The following PRMT3 variants were observed in gnomAD, a reference collection of about 807,000 sequenced individuals.
PRMT3 encodes protein arginine N-methyltransferase 3.
PRMT3 carries 62 observed loss-of-function variants against 71.9 expected under a neutral mutation model. That is an observed-to-expected ratio of 0.86 (90% CI 0.70 to 1.07). PRMT3 has a LOEUF of 1.07. PRMT3 is among the 50% of genes least tolerant of loss of function. The probability of loss-of-function intolerance (pLI) is 0.00; values close to 1 mark genes in which losing one functional copy is unlikely to be tolerated. For missense variants in PRMT3, 663 were observed against 643.0 expected (o/e 1.03, Z -0.34); for synonymous variants, 213 against 220.4 (o/e 0.97, Z 0.30).
At chr11:20,425,939 A>T (rs1412027308) in intron 9 of PRMT3, among the ~76,000 whole-genome samples, 1 of 152,238 alleles carries the variant, frequency 6.6e-6, no homozygotes, top group Non-Finnish European at 1.5e-5. Flanking sequence ...GCAGGAAAAA[A>T]ATCCTCTATA....
At chr11:20,437,869 G>A (rs1043750862) in intron 10 of PRMT3, among the ~76,000 whole-genome samples, 17 of 151,964 alleles carry the variant, frequency 1.1e-4, no homozygotes, top group African/African-American at 4.1e-4. Flanking sequence ...GATTACAGGC[G>A]TGAGCCACTG....
In PRMT3 at chr11:20,497,880, A is replaced by G. The variant is rs958425366; in HGVS notation, c.1486+3626A>G. On this transcript the variant is annotated intron_variant, in intron 15 of 15. Coordinates refer to ENST00000331079, the MANE Select transcript of PRMT3 (RefSeq NM_005788.4). ...AGCTGCAAGTAACTTAGTAGCCACA[A>G]AGGAAAACAAAATGGATACATTCAA... Among the ~76,000 whole-genome samples the G allele has an allele frequency of 1.3e-5, 2 of 152,324 alleles. 1 individual carries two copies. Among genetic ancestry groups the G allele is most frequent in the South Asian group, 4.1e-4 (2 of 4,828 alleles).
At chr11:20,389,921 G>A in intron 3 of PRMT3, 95 bp downstream of exon 3, 8 of 900,890 alleles carry the variant, frequency 8.9e-6, no homozygotes, top group Non-Finnish European at 1.4e-5. Context: ...GGAGGCTGAG[G>A]TGGGTGGATC....
rs551932277 is a variant in PRMT3, at chr11:20,390,059, G to A, written c.247+233G>A. On this transcript the variant is annotated intron_variant, in intron 3 of 15. Transcript: ENST00000331079. ...GCAGCTGCTCAGAAGACTGAGGCAGGTGAATTGCTTAAACCTGGGAGGCAG... is the reference window on the plus strand; with the variant it reads ...GCAGCTGCTCAGAAGACTGAGGCAGATGAATTGCTTAAACCTGGGAGGCAG... Among the ~76,000 whole-genome samples, 9 of 151,910 alleles carry A rather than the reference G, an allele frequency of 5.9e-5. No homozygotes were observed. The East Asian group carries it at 1.4e-3, about 23-fold the overall frequency.
chr11:20,494,279 G>A lies in PRMT3; in HGVS notation c.1486+25G>A, dbSNP rs779836245. 12 of 1,486,304 alleles carry A rather than the reference G, an allele frequency of 8.1e-6. No individual in the cohort carries two copies. In the Admixed American group the frequency reaches 1.9e-4, roughly 24 times the overall value. 92.1% of individuals were successfully genotyped at this position (1,486,304 alleles called of 1,614,324 possible). On this transcript the variant is annotated intron_variant, in intron 15 of 15. Coordinates refer to ENST00000331079, the MANE Select transcript of PRMT3 (RefSeq NM_005788.4). The stretch of plus-strand genomic sequence containing the variant: ...GGTGAGAAAGAATAGTAGGGGGGAA[G>A]TATCTTATTCATTCTGAAGTAAATG...
intron 13 of PRMT3, among the ~76,000 whole-genome samples, chr11:20,464,806 C>T (rs534474183): frequency 2.0e-5 from 3 of 152,244 alleles, no homozygotes; most frequent in South Asian, 2.1e-4. Flanking sequence ...TTTCCTATCA[C>T]GTGGTTAGTC....
intron 10 of PRMT3, among the ~76,000 whole-genome samples, chr11:20,438,909 G>A (rs1278786641): frequency 6.6e-6 from 1 of 152,274 alleles, no homozygotes; most frequent in South Asian, 2.1e-4. Context: ...AGCTTGAGGG[G>A]GTGGGAGAGG....
At position 20,411,276 on chromosome 11, in the gene PRMT3, C is replaced by T. The variant is rs556376090; in HGVS notation, c.893+3244C>T. Among the ~76,000 whole-genome samples, 18 of 152,202 alleles carry T rather than the reference C, an allele frequency of 1.2e-4. No individual in the cohort carries two copies. The East Asian group carries it at 3.5e-3, about 29-fold the overall frequency. ...GTAATCATTGACTCAAAATACTTGTCTTCAGTCTTTTCTGTGTGTATTTTT... is the reference window on the plus strand; with the variant it reads ...GTAATCATTGACTCAAAATACTTGTTTTCAGTCTTTTCTGTGTGTATTTTT... On this transcript the variant is annotated intron_variant, in intron 9 of 15. Coordinates refer to ENST00000331079, the MANE Select transcript of PRMT3 (RefSeq NM_005788.4).
intron 13 of PRMT3, among the ~76,000 whole-genome samples, chr11:20,471,039 TTGTTCC>T (rs1163540049): frequency 6.6e-6 from 1 of 152,070 alleles, no homozygotes; most frequent in Non-Finnish European, 1.5e-5. Flanking sequence ...AAAGAAGTGT[TTGTTCC>T]TGTTGTTTGC....
intron 9 of PRMT3, among the ~76,000 whole-genome samples, chr11:20,426,037 G>A (rs1054844248): frequency 6.6e-6 from 1 of 152,180 alleles, no homozygotes; most frequent in Non-Finnish European, 1.5e-5. Flanking sequence ...GAAAATAACT[G>A]TTGTTTCATA....
At chr11:20,504,707 TGA>T (rs57201745) in intron 15 of PRMT3, among the ~76,000 whole-genome samples, 2,302 of 133,542 alleles carry the variant, frequency 0.017, 34 homozygotes, top group African/African-American at 0.04. Context: ...TGTGTGTGTG[TGA>T]GAGAGAGAGA....
chr11:20,455,732 T>C (rs1850253780), intron 11 of PRMT3, among the ~76,000 whole-genome samples: 1 of 152,004 alleles, frequency 6.6e-6, no homozygotes, highest in Non-Finnish European at 1.5e-5. Flanking sequence ...TAAAACAATA[T>C]ATTATTGGTT....
Position 20,463,830 on chromosome 11 carries a change from A to G in PRMT3, c.1261-630A>G, listed in dbSNP as rs549511239. Among the ~76,000 whole-genome samples, 384 of 152,292 alleles carry G rather than the reference A, an allele frequency of 2.5e-3. 2 individuals are homozygous for G. The highest frequency in any genetic ancestry group is 8.3e-3 in the African/African-American group (345 of 41,564). On this transcript the variant is annotated intron_variant, in intron 12 of 15. Coordinates refer to ENST00000331079, the MANE Select transcript of PRMT3 (RefSeq NM_005788.4). ...TGATTCCATCCCTTCTCCAAAGTAT[A>G]ATGGAGAAGGATTTGAAAAAGGGCA...
chr11:20,459,952 C>T (rs1333299607), intron 11 of PRMT3, among the ~76,000 whole-genome samples: 2 of 152,124 alleles, frequency 1.3e-5, no homozygotes, highest in African/African-American at 2.4e-5. Flanking sequence ...GGCAATGGAC[C>T]GTGGTCTGGT....
intron 11 of PRMT3, among the ~76,000 whole-genome samples, chr11:20,455,020 A>G (rs1565219705): frequency 1.3e-5 from 2 of 152,146 alleles, no homozygotes; most frequent in Non-Finnish European, 2.9e-5. Context: ...CAGGTTTACT[A>G]GCAACGATTT....
At chr11:20,485,563 G>C (rs371545589) in intron 13 of PRMT3, among the ~76,000 whole-genome samples, 12 of 152,092 alleles carry the variant, frequency 7.9e-5, no homozygotes, top group African/African-American at 2.7e-4. Context: ...AATATGATTT[G>C]AACAGCAGAT....
intron 15 of PRMT3, 28 bp from the exon 16 acceptor site, chr11:20,508,276 C>G (rs1233120634): frequency 1.4e-6 from 2 of 1,399,164 alleles, no homozygotes; most frequent in Non-Finnish European, 2.0e-6. Context: ...TCCTTGAATT[C>G]TTAACAATTT....
chr11:20,390,211 G>T (rs188995303), intron 3 of PRMT3, among the ~76,000 whole-genome samples: 53 of 152,038 alleles, frequency 3.5e-4, no homozygotes, highest in Middle Eastern at 3.4e-3. Flanking sequence ...ACCCTTTTCT[G>T]TACGAGTTTA....
At chr11:20,420,550 C>T (rs1291488900) in intron 9 of PRMT3, among the ~76,000 whole-genome samples, 3 of 152,188 alleles carry the variant, frequency 2.0e-5, no homozygotes, top group Middle Eastern at 3.4e-3. Context: ...GGATTGCAGG[C>T]GCTATTGTGA....
Sources: allele counts gnomAD v4.1 joint callset (sites outside exome capture counted in the v4.1 genomes callset), GRCh38; gene constraint gnomAD v4.1.1; transcripts MANE v1.5; gene names NCBI Gene and HGNC (gene_info 2026-07-23, HGNC 2026-07-21).